SIK2: variants seen among roughly 807,000 people sequenced by gnomAD.
SIK2 encodes the protein serine/threonine-protein kinase SIK2.
In SIK2, 29 loss-of-function variants were observed where a neutral mutation model predicts 103.2. The ratio of observed to expected loss-of-function variants is 0.28; its 90% CI spans 0.21 to 0.38. SIK2 has a LOEUF of 0.38. SIK2 is among the 10% of genes least tolerant of loss of function. SIK2 has a pLI of 1.00. For missense variants in SIK2, 879 were observed against 1,171.0 expected (o/e 0.75, Z 3.64); for synonymous variants, 412 against 446.1 (o/e 0.92, Z 0.96).
intron 3 of SIK2, among the ~76,000 whole-genome samples, chr11:111,624,722 A>T (rs1591592450): frequency 6.6e-6 from 1 of 152,208 alleles, no homozygotes; most frequent in African/African-American, 2.4e-5. Flanking sequence ...AGTAGATTAG[A>T]TAGTGATGAG....
chr11:111,602,822 G>A lies in SIK2; in HGVS notation c.135+124G>A. 1 of 1,355,108 alleles carries A rather than the reference G, an allele frequency of 7.4e-7. No individual in the cohort carries two copies. The highest frequency in any genetic ancestry group is 9.5e-7 in the Non-Finnish European group (1 of 1,047,440). 83.9% of individuals were successfully genotyped at this position (1,355,108 alleles called of 1,614,324 possible). ...GAGAGGCCGCCTCACTGGCGGAGGC[G>A]AGCGGGCCTGGGACTGTGAGGACCC... On this transcript the variant is annotated intron_variant, in intron 1 of 14. Transcript: ENST00000304987. This position sits in a 1 kb window ranked among gnomAD's most constrained non-coding sequence, Gnocchi z 4.5.
rs68177301 is a variant in SIK2, at chr11:111,611,248, CAA to C, written c.136-4982_136-4981del. Among the ~76,000 whole-genome samples, 491 of 143,194 alleles carry C rather than the reference CAA, an allele frequency of 3.4e-3. 2 individuals carry two copies. The highest frequency in any genetic ancestry group is 5.2e-3 in the Non-Finnish European group (340 of 65,180). The allele number at this position is 143,194 out of a possible 152,430, so 93.9% of individuals were successfully genotyped here. A position where few individuals can be genotyped will look rare whatever the true frequency, so the allele number is the denominator to read the frequency against. ...CAGGCAACAGAGTGAGACCCTGTCT[CAA>C]AAAAAAAAAAAACTACACATAAATC... On this transcript the variant is annotated intron_variant, in intron 1 of 14. Coordinates refer to ENST00000304987, the MANE Select transcript of SIK2 (RefSeq NM_015191.3).
chr11:111,680,061 G>T (rs1213290096), intron 3 of SIK2, among the ~76,000 whole-genome samples: 2 of 151,874 alleles, frequency 1.3e-5, no homozygotes, highest in Non-Finnish European at 2.9e-5. Context: ...GGCGGAGGTT[G>T]CAGTGAGCCG....
At chr11:111,633,734 A>G (rs1942068805) in intron 3 of SIK2, among the ~76,000 whole-genome samples, 1 of 152,206 alleles carries the variant, frequency 6.6e-6, no homozygotes. Context: ...GGTAAATAAG[A>G]ACATATGCAT....
intron 3 of SIK2, among the ~76,000 whole-genome samples, chr11:111,666,397 C>T (rs932635442): frequency 1.9e-4 from 29 of 151,938 alleles, no homozygotes; most frequent in African/African-American, 5.8e-4. Context: ...CTACCCTTGT[C>T]GTTTTCTGGT....
intron 4 of SIK2, among the ~76,000 whole-genome samples, chr11:111,693,050 C>T (rs1158825621): frequency 2.0e-5 from 3 of 152,076 alleles, no homozygotes; most frequent in Non-Finnish European, 2.9e-5. Context: ...AAACTTGAGA[C>T]AGGCCGGGCG....
intron 3 of SIK2, among the ~76,000 whole-genome samples, chr11:111,681,990 G>A (rs186492785): frequency 6.9e-4 from 105 of 152,262 alleles, no homozygotes; most frequent in South Asian, 2.7e-3. Context: ...CCAGTAAGCC[G>A]TGTGTTAACA....
At position 111,616,368 on chromosome 11, in the gene SIK2, C is replaced by A. The variant is rs1424420614; in HGVS notation, c.252+9C>A. On this transcript the variant is annotated intron_variant, in intron 2 of 14. Transcript: ENST00000304987. ...TAATCAAACTTTATCAGGTATGACT[C>A]AGCCTAACACTATCTCCATTCATTC... 6.4e-6 allele frequency: 9 copies of A among 1,409,890 alleles called. No homozygotes were observed. The highest frequency in any genetic ancestry group is 8.0e-6 in the Non-Finnish European group (8 of 994,840). The allele number at this position is 1,409,890 out of a possible 1,614,324, so 87.3% of individuals were successfully genotyped here.
At chr11:111,658,616 G>A (rs1381369310) in intron 3 of SIK2, among the ~76,000 whole-genome samples, 2 of 152,070 alleles carry the variant, frequency 1.3e-5, no homozygotes, top group African/African-American at 2.4e-5. Context: ...AGTGGCATAT[G>A]CCTGTAGTCC....
Position 111,722,203 on chromosome 11 carries a change from C to T in SIK2, c.2055+263C>T, listed in dbSNP as rs1386469771. ...GGGGTGGGAACGGGAGACCTGGCTT[C>T]TTTCTTTCTAATTGTATTCCTCTTA... is the stretch of plus-strand genomic sequence containing the variant. On this transcript the variant is annotated intron_variant, in intron 13 of 14. Coordinates refer to ENST00000304987, the MANE Select transcript of SIK2 (RefSeq NM_015191.3). This position sits in a 1 kb window ranked among gnomAD's most constrained non-coding sequence, Gnocchi z 4.4. Among the ~76,000 whole-genome samples the T allele has an allele frequency of 6.6e-6, 1 of 152,180 alleles. No individual in the cohort carries two copies. The highest frequency in any genetic ancestry group is 1.5e-5 in the Non-Finnish European group (1 of 68,020).
Position 111,726,493 on chromosome 11 carries a change from G to A in SIK2, c.*2364G>A, listed in dbSNP as rs1943971810. ...TGCAGAGCGTGACCCCTCCTGCTGG[G>A]ACCTGTGTTGTAAGCTCCTATTTGC... is the stretch of plus-strand genomic sequence containing the variant. On this transcript the variant is annotated 3_prime_UTR_variant, in exon 15 of 15. Transcript: ENST00000304987. 1 of 158,700 alleles carries A rather than the reference G, an allele frequency of 6.3e-6. No individual in the cohort carries two copies. The highest frequency in any genetic ancestry group is 1.8e-4 in the South Asian group (1 of 5,406). The allele number at this position is 158,700 out of a possible 1,614,324, so 9.8% of individuals were successfully genotyped here.
chr11:111,640,357 T>C (rs1465797200), intron 3 of SIK2, among the ~76,000 whole-genome samples: 1 of 152,234 alleles, frequency 6.6e-6, no homozygotes, highest in Non-Finnish European at 1.5e-5. Flanking sequence ...ACAGGCAGAA[T>C]AATCTCTTTT....
At chr11:111,714,595 A>T (rs561334914) in intron 9 of SIK2, among the ~76,000 whole-genome samples, 1 of 152,292 alleles carries the variant, frequency 6.6e-6, no homozygotes, top group Admixed American at 6.5e-5. Flanking sequence ...AAATTGATAG[A>T]CTATTAAGGT....
chr11:111,611,555 A>C (rs1477700823), intron 1 of SIK2, among the ~76,000 whole-genome samples: 1 of 152,154 alleles, frequency 6.6e-6, no homozygotes, highest in Admixed American at 6.5e-5. Flanking sequence ...TTGAATATTC[A>C]ATGTTGCTAC....
rs113501259 is a variant in SIK2, at chr11:111,643,464, TA to T, written c.316+23074del. Among the ~76,000 whole-genome samples, 272 of 144,058 alleles carry T rather than the reference TA, an allele frequency of 1.9e-3. 5 individuals carry two copies. The East Asian group carries it at 0.031, about 16-fold the overall frequency. 94.5% of individuals were successfully genotyped at this position (144,058 alleles called of 152,430 possible). Reference sequence around the variant, plus strand: ...CGTTCTGCCATTGTATCCCAGAACTTAAAAAAAAAAAAGTTAATTATATTTG... The same window carrying T: ...CGTTCTGCCATTGTATCCCAGAACTTAAAAAAAAAAAGTTAATTATATTTG... On this transcript the variant is annotated intron_variant, in intron 3 of 14. Coordinates refer to ENST00000304987, the MANE Select transcript of SIK2 (RefSeq NM_015191.3).
intron 8 of SIK2, among the ~76,000 whole-genome samples, chr11:111,711,908 C>T (rs1231482841): frequency 6.6e-6 from 1 of 152,172 alleles, no homozygotes; most frequent in Non-Finnish European, 1.5e-5. Context: ...TTGAATTGAA[C>T]GAGGAACATT....
At chr11:111,723,405 G>A in intron 14 of SIK2, 91 bp from the exon 15 acceptor site, 1 of 1,361,602 alleles carries the variant, frequency 7.3e-7, no homozygotes. Context: ...TTAAGTAGAA[G>A]ACTGAAGCTA....
At chr11:111,712,679 G>GGTTT (rs200217912) in intron 9 of SIK2, among the ~76,000 whole-genome samples, 7 of 152,086 alleles carry the variant, frequency 4.6e-5, no homozygotes, top group Non-Finnish European at 5.9e-5. Flanking sequence ...ACAAGTGTTT[G>GGTTT]GTTTGTTTGT....
rs1943202268 is a variant in SIK2 at position 111,701,078 on chromosome 11, T to C, written c.603+68T>C. ...ATAATACTTGGTGTTCTGGCCCATC[T>C]TAGAAGCTCCTGGTACTTAACACAT... On this transcript the variant is annotated intron_variant, in intron 5 of 14. Coordinates refer to ENST00000304987, the MANE Select transcript of SIK2 (RefSeq NM_015191.3). This position sits in a 1 kb window ranked among gnomAD's most constrained non-coding sequence, Gnocchi z 4.2. 6.4e-7 allele frequency: 1 copy of C among 1,560,512 alleles called. No individual in the cohort carries two copies. Among genetic ancestry groups the C allele is most frequent in the Non-Finnish European group, 8.7e-7 (1 of 1,149,140 alleles).
Sources: allele counts gnomAD v4.1 joint callset (sites outside exome capture counted in the v4.1 genomes callset), GRCh38; gene constraint gnomAD v4.1.1; non-coding constraint Gnocchi (gnomAD v3.1); transcripts MANE v1.5; gene names NCBI Gene and HGNC (gene_info 2026-07-23, HGNC 2026-07-21).